The following TRAPPC9 variants were observed in gnomAD, a reference collection of about 807,000 sequenced individuals.
The protein encoded by TRAPPC9 is IKK2 binding protein.
Under a neutral mutation model 124.0 loss-of-function variants are expected in TRAPPC9, and 83 were observed. The ratio of observed to expected loss-of-function variants is 0.67; its 90% CI spans 0.56 to 0.80. The LOEUF (loss-of-function observed/expected upper bound fraction) is 0.80, where lower values mean the gene tolerates loss of function less well. Among genes scored for constraint, TRAPPC9 ranks in the 30% least tolerant of loss-of-function variants. The probability of loss-of-function intolerance (pLI) is 0.00; values close to 1 mark genes in which losing one functional copy is unlikely to be tolerated. For synonymous variants in TRAPPC9, 638 were observed against 617.5 expected, an observed-to-expected ratio of 1.03 and a Z score of -0.49; for missense variants, 1,302 against 1,508.3, an observed-to-expected ratio of 0.86 and a Z score of 2.27.
intron 21 of TRAPPC9, among the ~76,000 whole-genome samples, chr8:139,856,734 C>CAAAAAAA (rs35682231): frequency 1.6e-5 from 2 of 128,608 alleles, no homozygotes; most frequent in Non-Finnish European, 1.6e-5. Context: ...CCAGCACCTG[C>CAAAAAAA]AAAAAAAAAA....
At chr8:140,362,499 T>A (rs1345923233) in intron 8 of TRAPPC9, among the ~76,000 whole-genome samples, 2 of 151,998 alleles carry the variant, frequency 1.3e-5, no homozygotes, top group South Asian at 4.2e-4. Context: ...CTCATTGAAA[T>A]CCTTGGAGCT....
At chr8:140,436,915 C>T (rs1216623705) in intron 3 of TRAPPC9, among the ~76,000 whole-genome samples, 1 of 152,196 alleles carries the variant, frequency 6.6e-6, no homozygotes, top group Non-Finnish European at 1.5e-5. Context: ...TTCCCCACTT[C>T]TATTTCCCTA....
chr8:140,128,492 C>T (rs1235343341), intron 17 of TRAPPC9, among the ~76,000 whole-genome samples: 1 of 152,198 alleles, frequency 6.6e-6, no homozygotes, highest in Non-Finnish European at 1.5e-5. Flanking sequence ...GGGACAAAGG[C>T]TAGGGTATAA....
At chr8:140,389,842 C>CAA (rs397971049) in intron 7 of TRAPPC9, among the ~76,000 whole-genome samples, 13 of 92,548 alleles carry the variant, frequency 1.4e-4, no homozygotes, top group African/African-American at 4.4e-4. Flanking sequence ...CAACAATAAC[C>CAA]AAAAAAAAAA....
intron 18 of TRAPPC9, among the ~76,000 whole-genome samples, chr8:140,010,478 CA>C (rs1335632287): frequency 1.3e-5 from 2 of 151,984 alleles, no homozygotes; most frequent in African/African-American, 4.8e-5. Context: ...ATACGGCACA[CA>C]AAACTTCCTG....
intron 13 of TRAPPC9, among the ~76,000 whole-genome samples, chr8:140,286,844 G>A (rs925412879): frequency 7.9e-5 from 12 of 152,168 alleles, no homozygotes; most frequent in Non-Finnish European, 1.6e-4. Context: ...CCAGGGCATC[G>A]GTGGGATCAC....
At chr8:139,964,388 A>G (rs1307765359) in intron 19 of TRAPPC9, among the ~76,000 whole-genome samples, 1 of 152,086 alleles carries the variant, frequency 6.6e-6, no homozygotes, top group Non-Finnish European at 1.5e-5. Context: ...CCAACTCTGG[A>G]ATGCACTCTC....
At position 140,275,601 on chromosome 8, in the gene TRAPPC9, C is replaced by T. The variant is rs538436158; in HGVS notation, c.2278+57G>A. 4 of 1,556,768 alleles carry T rather than the reference C, an allele frequency of 2.6e-6. No homozygotes were observed. The East Asian group carries it at 9.0e-5, about 35-fold the overall frequency. On this transcript the variant is annotated intron_variant, in intron 15 of 22. Coordinates refer to ENST00000438773, the MANE Select transcript of TRAPPC9 (RefSeq NM_001160372.4). ...TGAAAACTGAGAATTTAAAGTATCT[C>T]TTCTACAAGTAAACAATACAAACAT... is the stretch of plus-strand genomic sequence containing the variant.
At chr8:140,348,258 G>T (rs1257164592) in intron 9 of TRAPPC9, among the ~76,000 whole-genome samples, 1 of 152,180 alleles carries the variant, frequency 6.6e-6, no homozygotes, top group Non-Finnish European at 1.5e-5. Flanking sequence ...TCCCAACTAA[G>T]TTTCAGTGAT....
intron 5 of TRAPPC9, among the ~76,000 whole-genome samples, chr8:140,417,370 A>G (rs1353712159): frequency 6.6e-6 from 1 of 152,260 alleles, no homozygotes. Flanking sequence ...CAAGAAAAAA[A>G]CAACCCCATC....
intron 16 of TRAPPC9, among the ~76,000 whole-genome samples, chr8:140,226,653 G>C (rs562341371): frequency 6.6e-6 from 1 of 151,226 alleles, no homozygotes; most frequent in South Asian, 2.1e-4. Flanking sequence ...TCCAGGTATG[G>C]GGCCTGCCTG....
intron 18 of TRAPPC9, among the ~76,000 whole-genome samples, chr8:139,992,123 C>T (rs528329459): frequency 1.3e-5 from 2 of 152,202 alleles, no homozygotes; most frequent in East Asian, 3.9e-4. Context: ...CCCAGTCATA[C>T]ACATCAACTA....
At chr8:140,340,918 C>A (rs947420456) in intron 9 of TRAPPC9, among the ~76,000 whole-genome samples, 1 of 152,194 alleles carries the variant, frequency 6.6e-6, no homozygotes, top group South Asian at 2.1e-4. Flanking sequence ...ACGTAACCAA[C>A]AACAATTACT....
At chr8:139,772,345 C>A (rs1188947873) in intron 21 of TRAPPC9, among the ~76,000 whole-genome samples, 1 of 152,192 alleles carries the variant, frequency 6.6e-6, no homozygotes, top group Non-Finnish European at 1.5e-5. Flanking sequence ...CTCATGGGAA[C>A]CCAGTGAGGG....
intron 20 of TRAPPC9, among the ~76,000 whole-genome samples, chr8:139,898,648 C>T (rs983988615): frequency 7.9e-5 from 12 of 152,166 alleles, no homozygotes; most frequent in African/African-American, 2.4e-4. Flanking sequence ...CTCAGAGCCA[C>T]ATTCGAGCTT....
Position 139,855,681 on chromosome 8 carries a change from T to C in TRAPPC9, c.3055+30198A>G, listed in dbSNP as rs1356364757. Among the ~76,000 whole-genome samples the C allele has an allele frequency of 5.9e-5, 9 of 152,254 alleles. No homozygotes were observed. In the East Asian group the frequency reaches 1.7e-3, roughly 29 times the overall value. Reference sequence around the variant, plus strand: ...GGCGCCTCTCTCTGGGAACCTCTAATGAAAAGCCCTACCAAGGTGGGAGGA... The same window carrying C: ...GGCGCCTCTCTCTGGGAACCTCTAACGAAAAGCCCTACCAAGGTGGGAGGA... On this transcript the variant is annotated intron_variant, in intron 21 of 22. Transcript: ENST00000438773.
intron 17 of TRAPPC9, among the ~76,000 whole-genome samples, chr8:140,176,245 A>G (rs2062069461): frequency 6.6e-6 from 1 of 152,216 alleles, no homozygotes; most frequent in Non-Finnish European, 1.5e-5. Flanking sequence ...GTACTGGTGT[A>G]TCCACTTGCA....
chr8:140,133,916 G>A (rs1459461530), intron 17 of TRAPPC9, among the ~76,000 whole-genome samples: 2 of 149,472 alleles, frequency 1.3e-5, no homozygotes, highest in Non-Finnish European at 3.0e-5. Context: ...TAAATAAATG[G>A]CAGACATCCC....
chr8:140,036,778 T>C (rs535975635), intron 17 of TRAPPC9, among the ~76,000 whole-genome samples: 1 of 152,058 alleles, frequency 6.6e-6, no homozygotes, highest in Non-Finnish European at 1.5e-5. Flanking sequence ...ATGCCTGGGG[T>C]TCCTTGGAAG....
Sources: allele counts gnomAD v4.1 joint callset (sites outside exome capture counted in the v4.1 genomes callset), GRCh38; gene constraint gnomAD v4.1.1; transcripts MANE v1.5; gene names NCBI Gene and HGNC (gene_info 2026-07-23, HGNC 2026-07-21).